ELAVL2: variants seen among roughly 807,000 people sequenced by gnomAD.
ELAVL2 encodes the protein ELAV like RNA binding protein 2.
A neutral mutation model predicts 34.6 loss-of-function variants in ELAVL2; 4 were observed. The ratio of observed to expected loss-of-function variants is 0.12; its 90% CI spans 0.06 to 0.26. The LOEUF (loss-of-function observed/expected upper bound fraction) is 0.26, where lower values mean the gene tolerates loss of function less well. Among genes scored for constraint, ELAVL2 ranks in the 10% least tolerant of loss-of-function variants. The probability of loss-of-function intolerance (pLI) is 1.00; values close to 1 mark genes in which losing one functional copy is unlikely to be tolerated. For synonymous variants in ELAVL2, 193 were observed against 154.8 expected, an observed-to-expected ratio of 1.25 and a Z score of -1.83; for missense variants, 432 against 442.8, an observed-to-expected ratio of 0.98 and a Z score of 0.22.
upstream of ELAVL2, among the ~76,000 whole-genome samples, chr9:23,826,561 G>T (rs995535520): frequency 1.3e-5 from 2 of 152,216 alleles, no homozygotes; most frequent in African/African-American, 4.8e-5. Context: ...GGCGGCGAAG[G>T]GAAATGCAAG....
chr9:23,803,792 G>T (rs2061866976), intron 1 of ELAVL2, among the ~76,000 whole-genome samples: 1 of 152,172 alleles, frequency 6.6e-6, no homozygotes, highest in South Asian at 2.1e-4. Context: ...AGCTTCACAA[G>T]TGCTACTACA....
intron 5 of ELAVL2, among the ~76,000 whole-genome samples, chr9:23,696,899 A>G (rs752591481): frequency 7.2e-4 from 110 of 151,974 alleles, no homozygotes; most frequent in Non-Finnish European, 1.1e-3. Flanking sequence ...ATATTAAAGT[A>G]TCCATTAAAT....
At chr9:23,718,945 T>C (rs541179310) in intron 3 of ELAVL2, among the ~76,000 whole-genome samples, 1 of 152,280 alleles carries the variant, frequency 6.6e-6, no homozygotes, top group Admixed American at 6.5e-5. Flanking sequence ...AAAAAATAAT[T>C]ACTGTATTCC....
chr9:23,821,022 G>T (rs1370098947), intron 1 of ELAVL2, among the ~76,000 whole-genome samples: 1 of 152,190 alleles, frequency 6.6e-6, no homozygotes, highest in Admixed American at 6.5e-5. Flanking sequence ...CCGGTGTTAA[G>T]TCTCCAAACG....
At chr9:23,733,150 C>T (rs1045280249) in intron 2 of ELAVL2, among the ~76,000 whole-genome samples, 2 of 123,342 alleles carry the variant, frequency 1.6e-5, no homozygotes, top group East Asian at 2.4e-4. Flanking sequence ...AACTTGACTG[C>T]AATGGAATCA....
intron 1 of ELAVL2, among the ~76,000 whole-genome samples, chr9:23,805,052 G>T (rs2062039197): frequency 6.6e-6 from 1 of 152,028 alleles, no homozygotes; most frequent in Admixed American, 6.6e-5. Flanking sequence ...CTGCAACACT[G>T]GGAACATAAA....
In ELAVL2 at chr9:23,762,012, T is replaced by A; in HGVS notation, c.223A>T (p.Ile75Leu). The stretch of plus-strand genomic sequence containing the variant: ...TCTACATAAAACTGCTTACCTGTTA[T>A]TTTGTCTCTTACAAGCTTACAGGAC... The part of the protein sequence containing the change: ...IESCKLVRDK[I>L]TGQSLGYGFV... Residue 75 changes from isoleucine to leucine, a missense_variant, in exon 2 of 7, where the codon ATA becomes TTA. By Grantham distance (5) the Ile-to-Leu change is conservative. Coordinates refer to ENST00000397312, the MANE Select transcript of ELAVL2 (RefSeq NM_004432.5). The A allele has an allele frequency of 6.2e-7, 1 of 1,611,210 alleles. No homozygotes were observed. Among genetic ancestry groups the A allele is most frequent in the Non-Finnish European group, 8.5e-7 (1 of 1,178,392 alleles).
chr9:23,823,441 C>T (rs2065075713), intron 1 of ELAVL2, among the ~76,000 whole-genome samples: 1 of 152,148 alleles, frequency 6.6e-6, no homozygotes. Context: ...CTTCCTACAA[C>T]CGTAGCGTTT....
chr9:23,723,235 G>A lies in ELAVL2; in HGVS notation c.333+7787C>T, dbSNP rs1256440809. ...GCACATATACACCATGGAATACTAT[G>A]CAGCCATAAAAAATGATGAGTTCAT... On this transcript the variant is annotated intron_variant, in intron 3 of 6. Transcript: ENST00000397312. 2.0e-5 allele frequency among the ~76,000 whole-genome samples: 3 copies of A among 152,106 alleles called. No homozygotes were observed. The East Asian group carries it at 5.8e-4, about 29-fold the overall frequency.
intron 3 of ELAVL2, among the ~76,000 whole-genome samples, chr9:23,711,029 C>A (rs1482320754): frequency 6.6e-6 from 1 of 152,132 alleles, no homozygotes; most frequent in Admixed American, 6.5e-5. Flanking sequence ...AAACACACAT[C>A]AAGGCATACA....
At chr9:23,784,038 A>T (rs750179159) in intron 1 of ELAVL2, among the ~76,000 whole-genome samples, 8 of 152,096 alleles carry the variant, frequency 5.3e-5, no homozygotes, top group Non-Finnish European at 1.0e-4. Context: ...ACTAAAAAAA[A>T]TACAAAAAAA....
chr9:23,730,819 C>T (rs1358369778), intron 3 of ELAVL2, among the ~76,000 whole-genome samples: 3 of 152,024 alleles, frequency 2.0e-5, no homozygotes, highest in Non-Finnish European at 4.4e-5. Context: ...GCTCTGTCCC[C>T]CTTTGCGAAT....
chr9:23,792,278 T>G (rs778389786), intron 1 of ELAVL2, among the ~76,000 whole-genome samples: 3 of 152,238 alleles, frequency 2.0e-5, no homozygotes, highest in Non-Finnish European at 4.4e-5. Context: ...TATTTTCTAC[T>G]TATGACATCT....
At chr9:23,760,992 T>C (rs536110815) in intron 2 of ELAVL2, among the ~76,000 whole-genome samples, 1 of 152,148 alleles carries the variant, frequency 6.6e-6, no homozygotes, top group South Asian at 2.1e-4. Context: ...CCCCTTTTTC[T>C]CTGCCTTTTA....
At chr9:23,843,082 A>G in the ELAVL2 span, among the ~76,000 whole-genome samples, 1 of 152,152 alleles carries the variant, frequency 6.6e-6, no homozygotes. Flanking sequence ...ATAATCACTT[A>G]AACCCCCAAG....
upstream of ELAVL2, among the ~76,000 whole-genome samples, chr9:23,826,745 C>A (rs1050905643): frequency 6.6e-6 from 1 of 152,140 alleles, no homozygotes; most frequent in East Asian, 1.9e-4. Context: ...TAACTCTGTC[C>A]GGTATGTATG....
chr9:23,734,876 A>G (rs1398260426), intron 2 of ELAVL2, among the ~76,000 whole-genome samples: 1 of 151,960 alleles, frequency 6.6e-6, no homozygotes, highest in East Asian at 1.9e-4. Context: ...TCAGTAAGTC[A>G]TGGGCCACCA....
intron 2 of ELAVL2, among the ~76,000 whole-genome samples, chr9:23,758,285 C>T (rs142668807): frequency 3.0e-4 from 46 of 152,132 alleles, no homozygotes; most frequent in African/African-American, 6.5e-4. Context: ...CTACCTCTTA[C>T]GAAGTATGCC....
rs564454830 is a variant in ELAVL2 at position 23,706,430 on chromosome 9, T to A, written c.334-1359A>T. ...ATCATGCAGATCCACAACGGCTTAC[T>A]GAACCAGAGCATTTAAGGGTCAGTT... On this transcript the variant is annotated intron_variant, in intron 3 of 6. Coordinates refer to ENST00000397312, the MANE Select transcript of ELAVL2 (RefSeq NM_004432.5). Among the ~76,000 whole-genome samples, 9 of 152,324 alleles carry A rather than the reference T, an allele frequency of 5.9e-5. 1 individual carries two copies. The highest frequency in any genetic ancestry group is 2.2e-4 in the African/African-American group (9 of 41,572).
Sources: gnomAD v4.1 joint callset for allele counts (sites outside exome capture counted in the v4.1 genomes callset) on GRCh38, gnomAD v4.1.1 for gene constraint, MANE v1.5 for transcripts, NCBI Gene and HGNC (gene_info 2026-07-23, HGNC 2026-07-21) for gene names.